The following GOLM2 variants were observed in gnomAD, a reference collection of about 807,000 sequenced individuals.
The protein encoded by GOLM2 is protein GOLM2.
A neutral mutation model predicts 55.9 loss-of-function variants in GOLM2; 26 were observed. The ratio of observed to expected loss-of-function variants is 0.47; its 90% CI spans 0.34 to 0.65. The LOEUF (loss-of-function observed/expected upper bound fraction) is 0.65, where lower values mean the gene tolerates loss of function less well. GOLM2 is among the 30% of genes least tolerant of loss of function. GOLM2 has a pLI of 0.01. For synonymous variants in GOLM2, 165 were observed against 194.6 expected (o/e 0.85, Z 1.27); for missense variants, 486 against 531.8 (o/e 0.91, Z 0.85).
intron 1 of GOLM2, among the ~76,000 whole-genome samples, chr15:44,291,166 T>C (rs2078718565): frequency 6.6e-6 from 1 of 150,964 alleles, no homozygotes; most frequent in Non-Finnish European, 1.5e-5. Context: ...TGGAGTGCAG[T>C]AGCTGTTACA....
At chr15:44,318,103 C>T (rs1425681693) in intron 1 of GOLM2, among the ~76,000 whole-genome samples, 2 of 152,184 alleles carry the variant, frequency 1.3e-5, no homozygotes, top group Non-Finnish European at 2.9e-5. Flanking sequence ...CAGCCACATA[C>T]AATATGTAAA....
In GOLM2 at chr15:44,413,497, G is replaced by C; in HGVS notation, c.*91G>C. On this transcript the variant is annotated 3_prime_UTR_variant, in exon 10 of 10. Transcript: ENST00000299957. ...CTGACTTTTGTTGTAAAGACGAATT[G>C]TATCAGTTGTAAAGATACATTGAGA... 1 of 925,248 alleles carries C rather than the reference G, an allele frequency of 1.1e-6. No individual in the cohort carries two copies. The highest frequency in any genetic ancestry group is 1.7e-6 in the Non-Finnish European group (1 of 582,424). 57.3% of individuals were successfully genotyped at this position (925,248 alleles called of 1,614,324 possible).
intron 8 of GOLM2, among the ~76,000 whole-genome samples, chr15:44,390,947 T>C (rs2079483951): frequency 6.6e-6 from 1 of 152,162 alleles, no homozygotes; most frequent in South Asian, 2.1e-4. Context: ...CCCCATCTCT[T>C]AATATCACCA....
At chr15:44,373,248 G>C (rs1191064908) in intron 6 of GOLM2, among the ~76,000 whole-genome samples, 6 of 151,906 alleles carry the variant, frequency 3.9e-5, no homozygotes, top group Non-Finnish European at 7.4e-5. Context: ...ACGAGGTCAG[G>C]AGATGGAGAC....
At chr15:44,344,679 C>T (rs1168607439) in intron 6 of GOLM2, among the ~76,000 whole-genome samples, 2 of 152,126 alleles carry the variant, frequency 1.3e-5, no homozygotes. Context: ...CAGCCTCAAA[C>T]TCCTAGACCC....
At chr15:44,322,093 C>T (rs890041357) in intron 1 of GOLM2, among the ~76,000 whole-genome samples, 3 of 152,148 alleles carry the variant, frequency 2.0e-5, no homozygotes, top group Admixed American at 2.0e-4. Context: ...TCAGGCCAGG[C>T]GTGGTGGCTC....
intron 8 of GOLM2, among the ~76,000 whole-genome samples, chr15:44,392,984 CCAT>C (rs914139697): frequency 1.3e-5 from 2 of 152,092 alleles, no homozygotes; most frequent in Non-Finnish European, 1.5e-5. Flanking sequence ...AGGATACCCA[CCAT>C]CATCACTTCT....
Position 44,338,286 on chromosome 15 carries a change from T to C in GOLM2, c.771T>C (p.Asn257=). Residue 257 remains asparagine (N), a synonymous_variant, in exon 6 of 10, where the codon AAT becomes AAC. Coordinates refer to ENST00000299957, the MANE Select transcript of GOLM2 (RefSeq NM_138423.4). ...GDAGMPGIEE[N]DLAKVDDLPP... ...CAGGGATGCCTGGAATAGAAGAGAA[T>C]GACCTAGCAAAAGTTGATGATCTTC... 6.2e-7 allele frequency: 1 copy of C among 1,613,878 alleles called. No individual in the cohort carries two copies. The highest frequency in any genetic ancestry group is 1.1e-5 in the South Asian group (1 of 91,058).
intron 6 of GOLM2, among the ~76,000 whole-genome samples, chr15:44,374,129 A>G (rs894622695): frequency 5.1e-4 from 77 of 152,170 alleles, no homozygotes; most frequent in African/African-American, 1.7e-3. Context: ...ATATAAATAA[A>G]TATTGTCAAA....
chr15:44,290,793 CGTT>C (rs754237769), intron 1 of GOLM2, among the ~76,000 whole-genome samples: 37 of 151,962 alleles, frequency 2.4e-4, no homozygotes, highest in Admixed American at 6.6e-4. Context: ...TTGTTGTTGT[CGTT>C]GTTGTTGTTG....
chr15:44,330,208 TAA>T (rs746756627), intron 3 of GOLM2, among the ~76,000 whole-genome samples: 2 of 81,472 alleles, frequency 2.5e-5, no homozygotes, highest in Non-Finnish European at 2.3e-5. Context: ...CTTGTCTCTT[TAA>T]AAAAAAAAAA....
chr15:44,377,794 A>G (rs2141191243), intron 6 of GOLM2, among the ~76,000 whole-genome samples: 1 of 152,206 alleles, frequency 6.6e-6, no homozygotes, highest in African/African-American at 2.4e-5. Flanking sequence ...AAATATGTGT[A>G]AAATACAAAT....
At chr15:44,341,227 C>T (rs1010257891) in intron 6 of GOLM2, among the ~76,000 whole-genome samples, 3 of 151,686 alleles carry the variant, frequency 2.0e-5, no homozygotes, top group Non-Finnish European at 4.4e-5. Flanking sequence ...ACTACAGATG[C>T]CCACCACCAC....
In GOLM2 at chr15:44,379,722, C is replaced by T. The variant is rs147833881; in HGVS notation, c.835C>T (p.His279Tyr). ...GAAGCCTCCTATTTCAGTTTCTCAA[C>T]ATGAAAGTCATCAAGCAATCTCCCA... ...LRKPPISVSQ[H>Y]ESHQAISHLP... The change falls in exon 7 of 10, where the codon CAT becomes TAT. Residue 279 changes from histidine (H) to tyrosine (Y), a missense_variant. By Grantham distance (83) the His-to-Tyr change is moderately conservative. Coordinates refer to ENST00000299957, the MANE Select transcript of GOLM2 (RefSeq NM_138423.4). 6.5e-5 allele frequency: 95 copies of T among 1,469,360 alleles called. No homozygotes were observed. In the African/African-American group the frequency reaches 1.2e-3, roughly 19 times the overall value. 91.0% of individuals were successfully genotyped at this position (1,469,360 alleles called of 1,614,324 possible). A position where few individuals can be genotyped will look rare whatever the true frequency, so the allele number is the denominator to read the frequency against.
intron 2 of GOLM2, among the ~76,000 whole-genome samples, chr15:44,323,655 A>G (rs2078965358): frequency 6.6e-6 from 1 of 151,208 alleles, no homozygotes; most frequent in Non-Finnish European, 1.5e-5. Context: ...AACAATCCTC[A>G]TCTCCCTCAC....
intron 8 of GOLM2, among the ~76,000 whole-genome samples, chr15:44,401,212 A>G (rs748570535): frequency 1.9e-4 from 29 of 152,070 alleles, no homozygotes; most frequent in Non-Finnish European, 2.8e-4. Flanking sequence ...CCTGACCTCA[A>G]ATGATCCTCC....
At position 44,315,798 on chromosome 15, in the gene GOLM2, A is replaced by C. The variant is rs568397704; in HGVS notation, c.328-7167A>C. On this transcript the variant is annotated intron_variant, in intron 1 of 9. Transcript: ENST00000299957. ...AAAATCCCAAAGAAACAAGTATTAC[A>C]AAAAGAGAGGGATAAGGTAAAGCCT... is the stretch of plus-strand genomic sequence containing the variant. 1.6e-4 allele frequency among the ~76,000 whole-genome samples: 25 copies of C among 152,342 alleles called. 1 individual carries two copies. In the South Asian group the frequency reaches 5.2e-3, roughly 32 times the overall value.
At chr15:44,364,740 C>T (rs1462602855) in intron 6 of GOLM2, among the ~76,000 whole-genome samples, 1 of 151,788 alleles carries the variant, frequency 6.6e-6, no homozygotes, top group East Asian at 1.9e-4. Context: ...AAAAAATGGA[C>T]TGAAAACCTA....
At chr15:44,336,796 G>C (rs781690957) in intron 4 of GOLM2, among the ~76,000 whole-genome samples, 8 of 151,970 alleles carry the variant, frequency 5.3e-5, no homozygotes, top group Non-Finnish European at 1.0e-4. Flanking sequence ...GGCACCTGTA[G>C]TCCCAGTTAC....
Sources: gnomAD v4.1 joint callset for allele counts (sites outside exome capture counted in the v4.1 genomes callset) on GRCh38, gnomAD v4.1.1 for gene constraint, MANE v1.5 for transcripts, NCBI Gene and HGNC (gene_info 2026-07-23, HGNC 2026-07-21) for gene names.